Variants in CAPZA1 observed in about 807,000 individuals in gnomAD.
The protein encoded by CAPZA1 is F-actin-capping protein subunit alpha-1.
A neutral mutation model predicts 40.8 loss-of-function variants in CAPZA1; 10 were observed. The observed-to-expected ratio is 0.25, with a 90% CI of 0.15 to 0.42. The LOEUF is 0.42. CAPZA1 is among the 10% of genes least tolerant of loss of function. The probability of loss-of-function intolerance (pLI) is 1.00; values close to 1 mark genes in which losing one functional copy is unlikely to be tolerated. For synonymous variants in CAPZA1, 98 were observed against 115.0 expected, an observed-to-expected ratio of 0.85 and a Z score of 0.95; for missense variants, 277 against 353.8, an observed-to-expected ratio of 0.78 and a Z score of 1.74.
At chr1:112,631,715 T>C (rs1036629119) in intron 1 of CAPZA1, among the ~76,000 whole-genome samples, 18 of 152,176 alleles carry the variant, frequency 1.2e-4, no homozygotes, top group Admixed American at 1.0e-3. Flanking sequence ...GTACCTGGTG[T>C]GGTCATTTTT....
At chr1:112,623,909 G>A (rs1670738964) in intron 1 of CAPZA1, among the ~76,000 whole-genome samples, 1 of 150,538 alleles carries the variant, frequency 6.6e-6, no homozygotes. Flanking sequence ...GGGAGGCTGA[G>A]GCAGGAGAAT....
rs531338099 is a variant in CAPZA1, at chr1:112,641,974, T to C, written c.40-5236T>C. ...ACCTATTACATTTAACATAGTTATT[T>C]GTTGTTTAAAAAAAAACCTTTATTT... On this transcript the variant is annotated intron_variant, in intron 1 of 9. Coordinates refer to ENST00000263168, the MANE Select transcript of CAPZA1 (RefSeq NM_006135.3). Among the ~76,000 whole-genome samples the C allele has an allele frequency of 3.4e-5, 5 of 144,992 alleles. No homozygotes were observed. In the South Asian group the frequency reaches 1.1e-3, roughly 32 times the overall value.
At chr1:112,626,964 C>T (rs1670819905) in intron 1 of CAPZA1, among the ~76,000 whole-genome samples, 1 of 152,188 alleles carries the variant, frequency 6.6e-6, no homozygotes, top group Non-Finnish European at 1.5e-5. Context: ...TTTGTGGATT[C>T]TTTGTTTTAC....
At chr1:112,650,251 G>A (rs1671357937) in intron 3 of CAPZA1, among the ~76,000 whole-genome samples, 1 of 152,144 alleles carries the variant, frequency 6.6e-6, no homozygotes, top group Admixed American at 6.5e-5. Flanking sequence ...ATATATAATT[G>A]GTTTAGATTT....
chr1:112,665,292 T>C (rs1671703987), intron 7 of CAPZA1, among the ~76,000 whole-genome samples: 1 of 150,250 alleles, frequency 6.7e-6, no homozygotes, highest in African/African-American at 2.4e-5. Flanking sequence ...TTCTCCTGCC[T>C]CAGCCTCCCA....
Position 112,654,545 on chromosome 1 carries a change from C to G in CAPZA1, c.300C>G (p.His100Gln). 2 of 1,614,012 alleles carry G rather than the reference C, an allele frequency of 1.2e-6. No homozygotes were observed. Among genetic ancestry groups the G allele is most frequent in the Non-Finnish European group, 1.7e-6 (2 of 1,179,912 alleles). The stretch of plus-strand genomic sequence containing the variant: ...ACAAAATTTCCTTTAAATTTGACCA[C>G]TTACGGAAAGAAGCAAGTGACCCCC... ...PRNKISFKFDHLRKEASDPQP... is the reference protein window; with the variant it reads ...PRNKISFKFDQLRKEASDPQP... Residue 100 changes from histidine to glutamine, a missense_variant, in exon 5 of 10, where the codon CAC (histidine) becomes CAG (glutamine). His to Gln is a conservative substitution (Grantham distance 24). This residue lies in a region of CAPZA1 where 192 missense variants were observed against 277.2 expected (regional missense o/e 0.69). Coordinates refer to ENST00000263168, the MANE Select transcript of CAPZA1 (RefSeq NM_006135.3).
At position 112,633,831 on chromosome 1, in the gene CAPZA1, CTGATT is replaced by C. The variant is rs1385536756; in HGVS notation, c.40-13378_40-13374del. Among the ~76,000 whole-genome samples the C allele has an allele frequency of 5.3e-5, 8 of 152,210 alleles. No homozygotes were observed. The Middle Eastern group carries it at 0.014, about 259-fold the overall frequency. ...CATTGTGGTTTTAATTTGCATTTCC[CTGATT>C]AGAGATGTTGAGCATTTTTTCATAT... On this transcript the variant is annotated intron_variant, in intron 1 of 9. Transcript: ENST00000263168.
At chr1:112,619,911 T>A in intron 1 of CAPZA1, 28 bp downstream of exon 1, 1 of 1,583,618 alleles carries the variant, frequency 6.3e-7, no homozygotes, top group Non-Finnish European at 8.6e-7. Context: ...CTCTCTTACC[T>A]CCTCCCCCGA....
At chr1:112,622,141 ATTGT>A (rs1203591064) in intron 1 of CAPZA1, among the ~76,000 whole-genome samples, 5 of 151,904 alleles carry the variant, frequency 3.3e-5, no homozygotes, top group Non-Finnish European at 7.4e-5. Context: ...ATATTTTAAT[ATTGT>A]TTTTTATCTT....
chr1:112,629,835 G>C (rs966943587), intron 1 of CAPZA1, among the ~76,000 whole-genome samples: 2 of 151,840 alleles, frequency 1.3e-5, no homozygotes, highest in East Asian at 3.9e-4. Flanking sequence ...TACCTTTTTT[G>C]TTCTTATTCC....
intron 1 of CAPZA1, among the ~76,000 whole-genome samples, chr1:112,632,911 TATA>T (rs1461071955): frequency 6.6e-6 from 1 of 152,252 alleles, no homozygotes; most frequent in Non-Finnish European, 1.5e-5. Context: ...ATCTATTTTT[TATA>T]ATGTTGATTC....
chr1:112,655,928 T>C (rs1368172929), intron 5 of CAPZA1, among the ~76,000 whole-genome samples: 1 of 152,196 alleles, frequency 6.6e-6, no homozygotes, highest in Non-Finnish European at 1.5e-5. Flanking sequence ...TTTTCCTTTA[T>C]AAAATTATGG....
At chr1:112,649,091 T>C (rs1014177671) in intron 2 of CAPZA1, among the ~76,000 whole-genome samples, 17 of 152,238 alleles carry the variant, frequency 1.1e-4, no homozygotes, top group African/African-American at 4.1e-4. Context: ...TTTCTTGATA[T>C]GATGTTGTAG....
At chr1:112,646,165 G>A (rs1671278270) in intron 1 of CAPZA1, among the ~76,000 whole-genome samples, 1 of 152,118 alleles carries the variant, frequency 6.6e-6, no homozygotes, top group Admixed American at 6.6e-5. Flanking sequence ...TGGCAACAGG[G>A]GGCAGAGGAC....
chr1:112,668,102 C>T (rs1484064854), intron 8 of CAPZA1, among the ~76,000 whole-genome samples: 13 of 151,722 alleles, frequency 8.6e-5, no homozygotes, highest in African/African-American at 2.7e-4. Flanking sequence ...CTGAGCAACA[C>T]GGTGAAACCC....
intron 7 of CAPZA1, 134 bp downstream of exon 7, chr1:112,659,913 C>T: frequency 1.5e-6 from 1 of 662,992 alleles, no homozygotes; most frequent in Non-Finnish European, 2.7e-6. Flanking sequence ...AAATAGAAGC[C>T]TCCTTCTTGG....
intron 1 of CAPZA1, chr1:112,646,894 A>G: frequency 5.4e-6 from 1 of 186,480 alleles, no homozygotes. Context: ...GTTTTGCTTA[A>G]ATGTTCATAA....
intron 1 of CAPZA1, among the ~76,000 whole-genome samples, chr1:112,639,699 TA>T (rs202231640): frequency 1.3e-4 from 20 of 148,608 alleles, no homozygotes; most frequent in East Asian, 9.7e-4. Context: ...CCTTTCATCT[TA>T]AAAAAAAAAA....
rs757248515 is a variant in CAPZA1, at chr1:112,654,547, T to C, written c.302T>C (p.Leu101Ser). 2 of 1,613,926 alleles carry C rather than the reference T, an allele frequency of 1.2e-6. No individual in the cohort carries two copies. The highest frequency in any genetic ancestry group is 2.7e-5 in the African/African-American group (2 of 74,916). Residue 101 changes from leucine (L) to serine (S), a missense_variant, in exon 5 of 10, where the codon TTA (leucine) becomes TCA (serine). Leu to Ser is a moderately radical substitution (Grantham distance 145). Coordinates refer to ENST00000263168, the MANE Select transcript of CAPZA1 (RefSeq NM_006135.3). ...AAAATTTCCTTTAAATTTGACCACTTACGGAAAGAAGCAAGTGACCCCCAG... is the reference window on the plus strand; with the variant it reads ...AAAATTTCCTTTAAATTTGACCACTCACGGAAAGAAGCAAGTGACCCCCAG... Reference protein sequence around the residue: ...RNKISFKFDHLRKEASDPQPE... With the variant: ...RNKISFKFDHSRKEASDPQPE...
Sources: allele counts gnomAD v4.1 joint callset (sites outside exome capture counted in the v4.1 genomes callset), GRCh38; gene constraint gnomAD v4.1.1; regional missense constraint gnomAD v4.1.1; transcripts MANE v1.5; gene names NCBI Gene and HGNC (gene_info 2026-07-23, HGNC 2026-07-21).